GIGYF2: variants seen among roughly 807,000 people sequenced by gnomAD.
The protein encoded by GIGYF2 is GRB10-interacting GYF protein 2.
Under a neutral mutation model 208.1 loss-of-function variants are expected in GIGYF2, and 25 were observed. The ratio of observed to expected loss-of-function variants is 0.12; its 90% confidence interval spans 0.09 to 0.17. GIGYF2 has a LOEUF of 0.17. Ranked by LOEUF, GIGYF2 falls within the 10% of genes least tolerant of loss-of-function variation. GIGYF2 has a pLI of 1.00. For missense variants in GIGYF2, 1,302 were observed against 1,579.4 expected (o/e 0.82, Z 2.98); for synonymous variants, 534 against 543.8 (o/e 0.98, Z 0.25).
intron 2 of GIGYF2, among the ~76,000 whole-genome samples, chr2:232,707,346 T>A (rs1352483406): frequency 6.6e-6 from 1 of 152,180 alleles, no homozygotes; most frequent in East Asian, 1.9e-4. Context: ...GTTTGTGAGG[T>A]TTAAAATTCC....
intron 12 of GIGYF2, among the ~76,000 whole-genome samples, chr2:232,794,455 T>C (rs1006059983): frequency 6.6e-6 from 1 of 152,200 alleles, no homozygotes; most frequent in Non-Finnish European, 1.5e-5. Flanking sequence ...ATTAGACTGA[T>C]TGTTTCTAAG....
At chr2:232,794,116 G>A (rs1219354268) in intron 12 of GIGYF2, among the ~76,000 whole-genome samples, 3 of 152,138 alleles carry the variant, frequency 2.0e-5, no homozygotes, top group Admixed American at 2.0e-4. Context: ...GGGAAACTGC[G>A]ATTATACCTA....
intron 2 of GIGYF2, among the ~76,000 whole-genome samples, chr2:232,718,626 G>A (rs183755591): frequency 5.3e-4 from 80 of 152,320 alleles, no homozygotes; most frequent in African/African-American, 1.9e-3. Flanking sequence ...TAGGCATACA[G>A]TTTAGATTTA....
intron 9 of GIGYF2, 21 bp from the exon 10 acceptor site, chr2:232,790,677 G>T: frequency 6.3e-7 from 1 of 1,583,066 alleles, no homozygotes; most frequent in Non-Finnish European, 8.7e-7. Flanking sequence ...TCTAAGGTTT[G>T]TGTCCTCCTT....
intron 6 of GIGYF2, among the ~76,000 whole-genome samples, chr2:232,757,670 G>C (rs1429094490): frequency 6.6e-6 from 1 of 151,884 alleles, no homozygotes; most frequent in Non-Finnish European, 1.5e-5. Flanking sequence ...TTTGCCTCCA[G>C]TGCTTTTCAG....
intron 22 of GIGYF2, among the ~76,000 whole-genome samples, chr2:232,834,945 T>C (rs1701536890): frequency 6.6e-6 from 1 of 152,222 alleles, no homozygotes; most frequent in South Asian, 2.1e-4. Flanking sequence ...ACTTATCTCC[T>C]AAATAGTGAG....
intron 3 of GIGYF2, chr2:232,735,731 T>C: frequency 1.0e-6 from 1 of 986,288 alleles, no homozygotes; most frequent in Non-Finnish European, 1.2e-6. Context: ...TTGGACATAA[T>C]AACGATTAAT....
At chr2:232,789,984 T>C (rs1700024589) in intron 9 of GIGYF2, among the ~76,000 whole-genome samples, 2 of 152,200 alleles carry the variant, frequency 1.3e-5, no homozygotes, top group South Asian at 4.1e-4. Context: ...GGAGTAAGTA[T>C]GTTATTGTGG....
intron 22 of GIGYF2, among the ~76,000 whole-genome samples, chr2:232,836,319 T>A (rs12988291): frequency 0.13 from 2,987 of 23,318 alleles, 425 homozygotes; most frequent in Non-Finnish European, 0.16. Flanking sequence ...TATATATATA[T>A]ATATATATAT....
At chr2:232,715,143 T>C (rs1574782964) in intron 2 of GIGYF2, among the ~76,000 whole-genome samples, 1 of 152,234 alleles carries the variant, frequency 6.6e-6, no homozygotes, top group Non-Finnish European at 1.5e-5. Context: ...CAGGGTCTGG[T>C]ATCTTTTGCT....
chr2:232,723,492 A>C (rs1697038465), intron 2 of GIGYF2, among the ~76,000 whole-genome samples: 1 of 142,692 alleles, frequency 7.0e-6, no homozygotes, highest in Admixed American at 7.3e-5. Context: ...GTGCAGTGGC[A>C]CGATCTCAGC....
chr2:232,767,848 G>A, intron 8 of GIGYF2: 1 of 276,378 alleles, frequency 3.6e-6, no homozygotes, highest in Non-Finnish European at 6.9e-6. Context: ...GAGATTAATG[G>A]TTGATTTTCT....
intron 8 of GIGYF2, among the ~76,000 whole-genome samples, chr2:232,781,987 A>G (rs765638467): frequency 1.3e-5 from 2 of 152,246 alleles, no homozygotes; most frequent in Non-Finnish European, 2.9e-5. Context: ...AAGATCAGAT[A>G]AGATACATTA....
intron 4 of GIGYF2, among the ~76,000 whole-genome samples, chr2:232,748,715 C>G (rs1276084391): frequency 6.6e-6 from 1 of 152,110 alleles, no homozygotes; most frequent in Non-Finnish European, 1.5e-5. Flanking sequence ...ACTTTTATTC[C>G]TCTACTTTGT....
At chr2:232,856,343 A>G (rs955012196) in intron 28 of GIGYF2, among the ~76,000 whole-genome samples, 2 of 152,194 alleles carry the variant, frequency 1.3e-5, no homozygotes, top group Non-Finnish European at 2.9e-5. Flanking sequence ...ACAGAAAGCT[A>G]CTGCTGTGAC....
At chr2:232,771,132 A>G in intron 8 of GIGYF2, 1 of 1,614,168 alleles carries the variant, frequency 6.2e-7, no homozygotes, top group Admixed American at 1.7e-5. Flanking sequence ...TCTCAGCCAG[A>G]ACATACCAGA....
chr2:232,773,910 TAA>T (rs61323973), intron 8 of GIGYF2, among the ~76,000 whole-genome samples: 12,664 of 112,544 alleles, frequency 0.11, 850 homozygotes, highest in East Asian at 0.21. Flanking sequence ...TGTCTCTATT[TAA>T]AAAAAAAAAA....
chr2:232,721,651 C>T (rs72617178), intron 2 of GIGYF2, among the ~76,000 whole-genome samples: 4,989 of 152,248 alleles, frequency 0.033, 237 homozygotes, highest in East Asian at 0.23. Context: ...AGATCATACA[C>T]GGTCAGGTTA....
At chr2:232,714,021 C>G (rs1456353946) in intron 2 of GIGYF2, among the ~76,000 whole-genome samples, 2 of 150,054 alleles carry the variant, frequency 1.3e-5, no homozygotes, top group Non-Finnish European at 2.9e-5. Context: ...GCGATCTCGG[C>G]TCACTGCAAG....
Sources: allele counts gnomAD v4.1 joint callset (sites outside exome capture counted in the v4.1 genomes callset), GRCh38; gene constraint gnomAD v4.1.1; transcripts MANE v1.5; gene names NCBI Gene and HGNC (gene_info 2026-07-23, HGNC 2026-07-21).